The following PLA2G4C variants were observed in gnomAD, a reference collection of about 807,000 sequenced individuals.
PLA2G4C encodes the protein phospholipase A2 group IVC.
Under a neutral mutation model 73.8 loss-of-function variants are expected in PLA2G4C, and 64 were observed. The ratio of observed to expected loss-of-function variants is 0.87; its 90% confidence interval spans 0.71 to 1.07. The LOEUF (loss-of-function observed/expected upper bound fraction) is 1.07. Ranked by LOEUF, PLA2G4C falls within the 50% of genes least tolerant of loss-of-function variation. The pLI, the probability that PLA2G4C is intolerant of heterozygous loss-of-function variation, is 0.00. For synonymous variants in PLA2G4C, 254 were observed against 252.1 expected (o/e 1.01, Z -0.07); for missense variants, 622 against 665.4 (o/e 0.93, Z 0.72).
At chr19:48,101,122 A>ATTTT (rs1301166875) in intron 4 of PLA2G4C, among the ~76,000 whole-genome samples, 8 of 66,550 alleles carry the variant, frequency 1.2e-4, no homozygotes, top group African/African-American at 5.7e-4. Context: ...ATATATATAT[A>ATTTT]TATATTTTTT....
In PLA2G4C at chr19:48,105,323, C is replaced by T. The variant is rs780226503; in HGVS notation, c.120+10G>A. The T allele has an allele frequency of 1.9e-6, 3 of 1,591,400 alleles. No homozygotes were observed. The highest frequency in any genetic ancestry group is 1.7e-4 in the Middle Eastern group (1 of 5,988). Reference sequence around the variant, plus strand: ...GGGATCTCTGGGGCCACCCTCCTCCCCTCACTTACCTCATCAGCCTCAATC... The same window carrying T: ...GGGATCTCTGGGGCCACCCTCCTCCTCTCACTTACCTCATCAGCCTCAATC... On this transcript the variant is annotated intron_variant, in intron 3 of 16. Transcript: ENST00000599921.
intron 13 of PLA2G4C, among the ~76,000 whole-genome samples, chr19:48,064,524 A>AGATATCAG (rs71334262): frequency 2.0e-5 from 3 of 152,202 alleles, no homozygotes; most frequent in Non-Finnish European, 4.4e-5. Flanking sequence ...TCTGTTCTCA[A>AGATATCAG]GATATCAGGA....
chr19:48,094,975 C>T (rs1449961777), intron 7 of PLA2G4C, among the ~76,000 whole-genome samples: 1 of 152,118 alleles, frequency 6.6e-6, no homozygotes, highest in Non-Finnish European at 1.5e-5. Context: ...GCCTTGAACT[C>T]CCATGCTGAA....
At chr19:48,061,835 G>A in intron 14 of PLA2G4C, 163 bp downstream of exon 14, 1 of 699,080 alleles carries the variant, frequency 1.4e-6, no homozygotes, top group Non-Finnish European at 2.5e-6. Context: ...CCGACCGCGG[G>A]TGCTTCGGGA....
In PLA2G4C at chr19:48,064,585, T is replaced by G. The variant is rs181717690; in HGVS notation, c.1103-2433A>C. 3.7e-3 allele frequency among the ~76,000 whole-genome samples: 571 copies of G among 152,300 alleles called. 4 individuals carry two copies. The highest frequency in any genetic ancestry group is 0.013 in the African/African-American group (544 of 41,566). ...CTGTTTAGTAAACATTATGAATCTG[T>G]TCCCTTAACCATAACCATCTAGAGG... On this transcript the variant is annotated intron_variant, in intron 13 of 16. Coordinates refer to ENST00000599921, the MANE Select transcript of PLA2G4C (RefSeq NM_003706.3).
At chr19:48,083,451 C>CTTTTTTTTTTTTTTT (rs56744614) in intron 10 of PLA2G4C, among the ~76,000 whole-genome samples, 1 of 58,330 alleles carries the variant, frequency 1.7e-5, no homozygotes, top group Non-Finnish European at 3.4e-5. Context: ...TTTCTTTTTT[C>CTTTTTTTTTTTTTTT]TTTTTTTTTT....
intron 5 of PLA2G4C, 81 bp downstream of exon 5, chr19:48,099,590 G>C (rs2031788113): frequency 2.0e-6 from 2 of 986,752 alleles, no homozygotes; most frequent in Admixed American, 2.3e-5. Context: ...AGGTGGTGCT[G>C]GTCAGCATCT....
At chr19:48,084,156 T>A (rs2030834163) in intron 10 of PLA2G4C, among the ~76,000 whole-genome samples, 1 of 151,718 alleles carries the variant, frequency 6.6e-6, no homozygotes. Context: ...GCCTCCTGGT[T>A]TCAAGCGATT....
chr19:48,058,588 T>C (rs1968049443), intron 14 of PLA2G4C, among the ~76,000 whole-genome samples: 1 of 152,000 alleles, frequency 6.6e-6, no homozygotes, highest in South Asian at 2.1e-4. Flanking sequence ...AAGGCTGAGG[T>C]GGGCGGATCA....
rs768011771 is a variant in PLA2G4C at position 48,104,684 on chromosome 19, C to G, written c.161G>C (p.Arg54Pro). 6 of 1,613,756 alleles carry G rather than the reference C, an allele frequency of 3.7e-6. No individual in the cohort carries two copies. In the South Asian group the frequency reaches 6.6e-5, roughly 18 times the overall value. ...VAVLGSGGGL[R>P]AHIACLGVLS... ...GACCCCAAGGCAGGCAATGTGAGCC[C>G]GCAGTCCTCCGCCTGAGCCCAGCAC... Residue 54 changes from arginine (R) to proline (P), a missense_variant, in exon 4 of 17, where the codon CGG becomes CCG. Coordinates refer to ENST00000599921, the MANE Select transcript of PLA2G4C (RefSeq NM_003706.3).
chr19:48,109,303 G>A (rs1392536640), intron 1 of PLA2G4C, among the ~76,000 whole-genome samples: 1 of 152,040 alleles, frequency 6.6e-6, no homozygotes, highest in Non-Finnish European at 1.5e-5. Flanking sequence ...ACAGGGTCTT[G>A]CTTTGTCACC....
intron 10 of PLA2G4C, among the ~76,000 whole-genome samples, 175 bp from the exon 11 acceptor site, chr19:48,077,999 A>T (rs889294245): frequency 4.6e-5 from 7 of 152,134 alleles, no homozygotes; most frequent in Non-Finnish European, 8.8e-5. Context: ...GTGCTCGCTG[A>T]CCTCATGTTG....
At chr19:48,101,714 AC>A (rs1471678882) in intron 4 of PLA2G4C, among the ~76,000 whole-genome samples, 3 of 138,104 alleles carry the variant, frequency 2.2e-5, no homozygotes, top group Admixed American at 1.6e-4. Context: ...CACTCTTGTC[AC>A]CCAGGCTGAA....
Position 48,077,838 on chromosome 19 carries a change from G to T in PLA2G4C, c.845-14C>A. The T allele has an allele frequency of 6.2e-7, 1 of 1,601,168 alleles. No individual in the cohort carries two copies. The highest frequency in any genetic ancestry group is 1.1e-5 in the South Asian group (1 of 88,992). On this transcript the variant is annotated splice_polypyrimidine_tract_variant and intron_variant, in intron 10 of 16. Transcript: ENST00000599921. ...TCAGTAATCGGGCTGCAAAAGAGCA[G>T]AGGCAGGGGGAATGTTTAACTGTAA... is the stretch of plus-strand genomic sequence containing the variant.
Position 48,054,993 on chromosome 19 carries a change from T to C in PLA2G4C, c.1314A>G (p.Val438=). The stretch of plus-strand genomic sequence containing the variant: ...ACCACAAATCCAGCTCAGCCTCTTC[T>C]ACTTGGGGAAAGGGGATCTTGTGGC... ...CRRHKIPFPQ[V]EEAELDLWSK... Residue 438 remains valine, a synonymous_variant, in exon 15 of 17, where the codon GTA becomes GTG. Transcript: ENST00000599921. 1 of 1,613,452 alleles carries C rather than the reference T, an allele frequency of 6.2e-7. No homozygotes were observed. The highest frequency in any genetic ancestry group is 8.5e-7 in the Non-Finnish European group (1 of 1,179,896).
intron 5 of PLA2G4C, 44 bp from the exon 6 acceptor site, chr19:48,098,303 T>A (rs772137125): frequency 1.9e-6 from 3 of 1,572,180 alleles, no homozygotes; most frequent in Non-Finnish European, 2.6e-6. Flanking sequence ...GGCATGTGGG[T>A]CCCACAGGGT....
chr19:48,065,395 C>T (rs1015671852), intron 13 of PLA2G4C, among the ~76,000 whole-genome samples: 1 of 151,958 alleles, frequency 6.6e-6, no homozygotes, highest in African/African-American at 2.4e-5. Flanking sequence ...GTGGGCAGAT[C>T]ATTTGAGGTT....
At chr19:48,102,222 G>A (rs1341899423) in intron 4 of PLA2G4C, among the ~76,000 whole-genome samples, 3 of 151,996 alleles carry the variant, frequency 2.0e-5, no homozygotes, top group Non-Finnish European at 4.4e-5. Context: ...CGGACATGGT[G>A]GCTTACACCT....
At chr19:48,097,244 C>CGTTTTTTTTTTTT (rs1568449148) in intron 6 of PLA2G4C, 12 of 66,626 alleles carry the variant, frequency 1.8e-4, no homozygotes, top group African/African-American at 7.1e-4. Context: ...TTACTTTTTT[C>CGTTTTTTTTTTTT]TTTTTTCTTT....
Sources: gnomAD v4.1 joint callset for allele counts (sites outside exome capture counted in the v4.1 genomes callset) on GRCh38, gnomAD v4.1.1 for gene constraint, MANE v1.5 for transcripts, NCBI Gene and HGNC (gene_info 2026-07-23, HGNC 2026-07-21) for gene names.